The following SLCO5A1 variants were observed in gnomAD, a reference collection of about 807,000 sequenced individuals.
SLCO5A1 encodes solute carrier organic anion transporter family member 5A1.
A neutral mutation model predicts 65.1 loss-of-function variants in SLCO5A1; 39 were observed. That is an observed-to-expected ratio of 0.60 (90% CI 0.46 to 0.78). The LOEUF (loss-of-function observed/expected upper bound fraction) is 0.78. Ranked by LOEUF, SLCO5A1 falls within the 30% of genes least tolerant of loss-of-function variation. SLCO5A1 has a pLI of 0.00. For missense variants in SLCO5A1, 1,029 were observed against 1,069.4 expected (o/e 0.96, Z 0.53); for synonymous variants, 438 against 415.7 (o/e 1.05, Z -0.65).
chr8:69,747,260 C>T (rs1817076632), intron 4 of SLCO5A1, among the ~76,000 whole-genome samples: 1 of 152,144 alleles, frequency 6.6e-6, no homozygotes, highest in Non-Finnish European at 1.5e-5. Flanking sequence ...AAGTTAAAAT[C>T]CCATGGGTGC....
At chr8:69,699,131 G>A (rs1008124162) in intron 6 of SLCO5A1, among the ~76,000 whole-genome samples, 4 of 152,176 alleles carry the variant, frequency 2.6e-5, no homozygotes, top group African/African-American at 4.8e-5. Context: ...GTCCATCTAC[G>A]ACACAATTTT....
At chr8:69,812,902 T>G (rs1281761227) in intron 2 of SLCO5A1, among the ~76,000 whole-genome samples, 1 of 152,220 alleles carries the variant, frequency 6.6e-6, no homozygotes, top group African/African-American at 2.4e-5. Context: ...TCTACGAAGA[T>G]TTTTCATCTT....
intron 2 of SLCO5A1, among the ~76,000 whole-genome samples, chr8:69,818,803 A>G (rs543030566): frequency 6.6e-6 from 1 of 152,280 alleles, no homozygotes; most frequent in African/African-American, 2.4e-5. Flanking sequence ...TGTGGCACAA[A>G]TTAACTGTCT....
chr8:69,772,019 C>G (rs1228344230), intron 2 of SLCO5A1, among the ~76,000 whole-genome samples: 1 of 152,150 alleles, frequency 6.6e-6, no homozygotes, highest in Non-Finnish European at 1.5e-5. Context: ...CTGCAACATT[C>G]TCTGGGAGCT....
At position 69,742,672 on chromosome 8, in the gene SLCO5A1, C is replaced by T. The variant is rs16936397; in HGVS notation, c.1259-4468G>A. ...GCCCCATCATCACGTGCACACGGAC[C>T]TGGTGTTAAATTGTACTCCAATCAC... On this transcript the variant is annotated intron_variant, in intron 4 of 9. Transcript: ENST00000260126. Among the ~76,000 whole-genome samples the T allele has an allele frequency of 9.1e-3, 1,391 of 152,154 alleles. 19 individuals carry two copies. The highest frequency in any genetic ancestry group is 0.032 in the African/African-American group (1,327 of 41,496).
chr8:69,673,761 G>A (rs534403543), intron 9 of SLCO5A1, among the ~76,000 whole-genome samples: 4 of 152,098 alleles, frequency 2.6e-5, no homozygotes, highest in African/African-American at 7.2e-5. Context: ...AATTCGATAC[G>A]CTTAGTTCTT....
intron 2 of SLCO5A1, among the ~76,000 whole-genome samples, chr8:69,812,112 G>A (rs757939724): frequency 1.3e-5 from 2 of 152,142 alleles, no homozygotes; most frequent in Admixed American, 6.5e-5. Context: ...TGGAGGTCAC[G>A]AAGCTCACAG....
chr8:69,816,862 G>GC (rs1478036593), intron 2 of SLCO5A1, among the ~76,000 whole-genome samples: 2 of 152,172 alleles, frequency 1.3e-5, no homozygotes, highest in African/African-American at 4.8e-5. Context: ...CTAGAATGCT[G>GC]CATAGGCTGG....
At position 69,832,332 on chromosome 8, in the gene SLCO5A1, G is replaced by C. The variant is rs140097165; in HGVS notation, c.342C>G (p.Leu114=). The C allele has an allele frequency of 1.8e-5, 29 of 1,614,070 alleles. No homozygotes were observed. Among genetic ancestry groups the C allele is most frequent in the Non-Finnish European group, 2.3e-5 (27 of 1,180,026 alleles). The part of the protein sequence containing the change: ...TFSVSSALAM[L]QERRCLYVVL... ...CCACGTAGAGGCACCTTCTCTCCTG[G>C]AGCATGGCCAAGGCGGAGGACACCG... The change falls in exon 2 of 10, where the codon CTC becomes CTG. Residue 114 remains leucine, a synonymous_variant. Transcript: ENST00000260126. This position sits in a 1 kb window ranked among gnomAD's most constrained non-coding sequence, Gnocchi z 4.5.
At chr8:69,761,977 C>T in intron 2 of SLCO5A1, 102 bp from the exon 3 acceptor site, 1 of 1,421,712 alleles carries the variant, frequency 7.0e-7, no homozygotes, top group Non-Finnish European at 9.5e-7. Context: ...ACAGTTCAAT[C>T]CAGTTAACTT....
At chr8:69,711,224 G>A (rs972175676) in intron 5 of SLCO5A1, among the ~76,000 whole-genome samples, 11 of 152,252 alleles carry the variant, frequency 7.2e-5, no homozygotes, top group African/African-American at 2.4e-4. Context: ...CCCTCTCTGA[G>A]CTCAAATTCA....
At chr8:69,727,201 G>T (rs1466231361) in intron 5 of SLCO5A1, among the ~76,000 whole-genome samples, 1 of 152,142 alleles carries the variant, frequency 6.6e-6, no homozygotes, top group Non-Finnish European at 1.5e-5. Context: ...AAATAGTTGT[G>T]CATGGATGGG....
intron 5 of SLCO5A1, among the ~76,000 whole-genome samples, chr8:69,732,617 G>A (rs530806589): frequency 1.1e-4 from 17 of 152,296 alleles, no homozygotes; most frequent in African/African-American, 4.1e-4. Context: ...TCTCAGCACT[G>A]TGACCCCAAG....
intron 6 of SLCO5A1, among the ~76,000 whole-genome samples, chr8:69,684,801 ACTC>A (rs35990273): frequency 0.41 from 61,907 of 151,588 alleles, 12,941 homozygotes; most frequent in South Asian, 0.55. Context: ...AAAGCCAAGA[ACTC>A]CTCCTAGCTG....
intron 5 of SLCO5A1, among the ~76,000 whole-genome samples, chr8:69,705,688 T>C (rs1166434009): frequency 2.0e-5 from 3 of 152,208 alleles, no homozygotes; most frequent in African/African-American, 7.2e-5. Flanking sequence ...CACATGTACC[T>C]CATAAATATG....
intron 2 of SLCO5A1, among the ~76,000 whole-genome samples, chr8:69,767,925 A>G (rs1167919078): frequency 1.2e-4 from 18 of 148,758 alleles, no homozygotes; most frequent in African/African-American, 4.5e-4. Context: ...AAAGAAAAAG[A>G]AAAAGAATAA....
chr8:69,816,503 A>G (rs1820416550), intron 2 of SLCO5A1, among the ~76,000 whole-genome samples: 1 of 152,166 alleles, frequency 6.6e-6, no homozygotes, highest in Non-Finnish European at 1.5e-5. Flanking sequence ...GAAACTGAAA[A>G]CACAGGAAAC....
At chr8:69,710,078 G>T (rs1038769323) in intron 5 of SLCO5A1, among the ~76,000 whole-genome samples, 67 of 146,094 alleles carry the variant, frequency 4.6e-4, no homozygotes, top group African/African-American at 1.6e-3. Context: ...GAGTGCAGTG[G>T]TGTGAGCTCG....
At chr8:69,757,258 C>A (rs113988806) in intron 3 of SLCO5A1, among the ~76,000 whole-genome samples, 47 of 152,206 alleles carry the variant, frequency 3.1e-4, no homozygotes, top group African/African-American at 1.1e-3. Flanking sequence ...AGACTTCCAG[C>A]AATCTCAGTT....
Sources: gnomAD v4.1 joint callset for allele counts (sites outside exome capture counted in the v4.1 genomes callset) on GRCh38, gnomAD v4.1.1 for gene constraint, Gnocchi (gnomAD v3.1) non-coding constraint, MANE v1.5 for transcripts, NCBI Gene and HGNC (gene_info 2026-07-23, HGNC 2026-07-21) for gene names.